RNF121: variants seen among roughly 807,000 people sequenced by gnomAD.
RNF121 encodes E3 ubiquitin ligase RNF121.
In RNF121, 21 loss-of-function variants were observed where a neutral mutation model predicts 46.5. The observed-to-expected ratio is 0.45, with a 90% CI of 0.32 to 0.65. RNF121 has a LOEUF of 0.65. Ranked by LOEUF, RNF121 falls within the 30% of genes least tolerant of loss-of-function variation. The pLI is 0.04. For missense variants in RNF121, 346 were observed against 416.0 expected (o/e 0.83, Z 1.46); for synonymous variants, 139 against 144.7 (o/e 0.96, Z 0.28).
intron 5 of RNF121, among the ~76,000 whole-genome samples, chr11:71,990,322 G>A (rs1471086482): frequency 6.6e-6 from 1 of 152,206 alleles, no homozygotes; most frequent in East Asian, 1.9e-4. Context: ...TCACCAGTTA[G>A]GGGAGGCAAG....
intron 3 of RNF121, among the ~76,000 whole-genome samples, chr11:71,982,335 CAAAA>C (rs10635678): frequency 1.3e-5 from 1 of 79,114 alleles, no homozygotes; most frequent in Non-Finnish European, 2.3e-5. Context: ...GACTCCATCT[CAAAA>C]AAAAAAAAAA....
chr11:71,997,322 C>T lies in RNF121; in HGVS notation c.*1007C>T, dbSNP rs1219321142. 1 of 152,190 alleles carries T rather than the reference C, an allele frequency of 6.6e-6. No homozygotes were observed. The highest frequency in any genetic ancestry group is 2.4e-5 in the African/African-American group (1 of 41,436). 9.4% of individuals were successfully genotyped at this position (152,190 alleles called of 1,614,324 possible). The stretch of plus-strand genomic sequence containing the variant: ...AGGGGATTCCCAGTCCAGGGAATAT[C>T]CCTACATGATTTTTGTCATTCATGG... On this transcript the variant is annotated 3_prime_UTR_variant, in exon 9 of 9. Coordinates refer to ENST00000361756, the MANE Select transcript of RNF121 (RefSeq NM_018320.5).
intron 3 of RNF121, among the ~76,000 whole-genome samples, chr11:71,963,590 A>G (rs912680870): frequency 6.6e-6 from 1 of 152,184 alleles, no homozygotes; most frequent in African/African-American, 2.4e-5. Flanking sequence ...ACTGCACCCC[A>G]GCCTGATAAC....
chr11:71,990,666 G>C lies in RNF121; in HGVS notation c.576G>C (p.Leu192=). The change falls in exon 6 of 9, where the codon CTG becomes CTC. Residue 192 remains leucine (L), a synonymous_variant. Coordinates refer to ENST00000361756, the MANE Select transcript of RNF121 (RefSeq NM_018320.5). ...LLFYGLYYGV[L]ERDFAEMCAD... ...TCTATGGCCTCTACTATGGAGTTCT[G>C]GAACGGGACTTTGCAGAAATGTGTG... is the stretch of plus-strand genomic sequence containing the variant. 3 of 1,614,176 alleles carry C rather than the reference G, an allele frequency of 1.9e-6. No individual in the cohort carries two copies. The highest frequency in any genetic ancestry group is 2.5e-6 in the Non-Finnish European group (3 of 1,180,012).
At chr11:71,938,283 A>G (rs1302345505) in intron 1 of RNF121, among the ~76,000 whole-genome samples, 2 of 150,704 alleles carry the variant, frequency 1.3e-5, no homozygotes, top group Non-Finnish European at 3.0e-5. Context: ...GCCAGGCAGT[A>G]AAGTAAGCAT....
chr11:71,942,938 G>T lies in RNF121; in HGVS notation c.63+13814G>T, dbSNP rs540724596. Reference sequence around the variant, plus strand: ...GCTTCAAAGGGGGCTCCTTGTTGCTGTGTCTTCACATGGCAGAAGGGACAC... The same window carrying T: ...GCTTCAAAGGGGGCTCCTTGTTGCTTTGTCTTCACATGGCAGAAGGGACAC... On this transcript the variant is annotated intron_variant, in intron 1 of 8. Transcript: ENST00000361756. Among the ~76,000 whole-genome samples the T allele has an allele frequency of 6.0e-4, 91 of 152,198 alleles. 1 individual carries two copies. In the South Asian group the frequency reaches 0.018, roughly 31 times the overall value.
intron 1 of RNF121, among the ~76,000 whole-genome samples, chr11:71,932,269 A>T (rs953652978): frequency 2.6e-5 from 4 of 152,252 alleles, no homozygotes; most frequent in Non-Finnish European, 4.4e-5. Flanking sequence ...ATTTATTATT[A>T]ACAGTAGGCA....
chr11:71,990,180 C>A (rs1349147875), intron 5 of RNF121, among the ~76,000 whole-genome samples: 1 of 152,228 alleles, frequency 6.6e-6, no homozygotes, highest in African/African-American at 2.4e-5. Flanking sequence ...TCAGCTGTTT[C>A]AACTTGAGTG....
intron 1 of RNF121, among the ~76,000 whole-genome samples, chr11:71,930,701 T>C (rs1261080801): frequency 1.3e-5 from 2 of 152,196 alleles, no homozygotes; most frequent in Non-Finnish European, 2.9e-5. Context: ...AATACTGTAT[T>C]GAAGTTCTTA....
chr11:71,956,207 T>C (rs371214589), intron 1 of RNF121, among the ~76,000 whole-genome samples: 1 of 152,178 alleles, frequency 6.6e-6, no homozygotes, highest in African/African-American at 2.4e-5. Context: ...TGGTTGTTGA[T>C]TGATTTGAGT....
intron 1 of RNF121, among the ~76,000 whole-genome samples, chr11:71,939,701 A>G (rs1184499541): frequency 4.6e-5 from 7 of 152,258 alleles, no homozygotes; most frequent in Non-Finnish European, 1.0e-4. Flanking sequence ...ACATGGTGAT[A>G]CAACCTCATG....
At chr11:71,986,521 A>G (rs1304109856) in intron 4 of RNF121, among the ~76,000 whole-genome samples, 1 of 152,050 alleles carries the variant, frequency 6.6e-6, no homozygotes, top group Non-Finnish European at 1.5e-5. Context: ...TAATCCAAAC[A>G]CTTTGGGAGG....
At chr11:71,930,754 G>A (rs78302642) in intron 1 of RNF121, among the ~76,000 whole-genome samples, 10 of 152,312 alleles carry the variant, frequency 6.6e-5, no homozygotes, top group South Asian at 4.1e-4. Flanking sequence ...AGACAATTAC[G>A]TATATCTCAA....
chr11:71,938,389 T>C (rs550180983), intron 1 of RNF121, among the ~76,000 whole-genome samples: 22 of 145,500 alleles, frequency 1.5e-4, no homozygotes, highest in Admixed American at 4.3e-4. Context: ...GGTAGATCTC[T>C]GCTCACCATA....
chr11:71,946,867 C>CTTTTT (rs34778760), intron 1 of RNF121, among the ~76,000 whole-genome samples: 2,007 of 98,324 alleles, frequency 0.02, 162 homozygotes, highest in East Asian at 0.049. Context: ...TGCTCTGGCT[C>CTTTTT]TTTTTTTTTT....
chr11:71,993,481 T>A (rs1157197556), intron 6 of RNF121, among the ~76,000 whole-genome samples: 1 of 152,258 alleles, frequency 6.6e-6, no homozygotes, highest in Non-Finnish European at 1.5e-5. Context: ...TCCCTTTGGC[T>A]TTTTTCACTT....
intron 6 of RNF121, among the ~76,000 whole-genome samples, chr11:71,994,505 C>G (rs1954933084): frequency 6.6e-6 from 1 of 152,014 alleles, no homozygotes; most frequent in Admixed American, 6.6e-5. Context: ...AGTCTGGTCA[C>G]TTCTCCCCAT....
chr11:71,960,041 T>C (rs534814510), intron 2 of RNF121, among the ~76,000 whole-genome samples: 3 of 152,316 alleles, frequency 2.0e-5, no homozygotes, highest in African/African-American at 7.2e-5. Context: ...AGGGAATCAC[T>C]TGCTGCCAGT....
chr11:71,995,300 C>G, intron 7 of RNF121, 150 bp from the exon 8 acceptor site: 1 of 660,976 alleles, frequency 1.5e-6, no homozygotes, highest in Non-Finnish European at 2.7e-6. Flanking sequence ...ATCCTTACTT[C>G]ACATGTGAGG....
Sources: allele counts gnomAD v4.1 joint callset (sites outside exome capture counted in the v4.1 genomes callset), GRCh38; gene constraint gnomAD v4.1.1; transcripts MANE v1.5; gene names NCBI Gene and HGNC (gene_info 2026-07-23, HGNC 2026-07-21).